SUPT20H: variants seen among roughly 807,000 people sequenced by gnomAD.
The protein encoded by SUPT20H is SPT20 homolog, SAGA complex component.
SUPT20H carries 82 observed loss-of-function variants against 122.8 expected under a neutral mutation model. The observed-to-expected ratio is 0.67, with a 90% CI of 0.56 to 0.80. The LOEUF (loss-of-function observed/expected upper bound fraction) is 0.80. Ranked by LOEUF, SUPT20H falls within the 30% of genes least tolerant of loss-of-function variation. The probability of loss-of-function intolerance (pLI) is 0.00; values close to 1 mark genes in which losing one functional copy is unlikely to be tolerated. For missense variants in SUPT20H, 831 were observed against 921.6 expected, an observed-to-expected ratio of 0.90 and a Z score of 1.27; for synonymous variants, 291 against 313.0, an observed-to-expected ratio of 0.93 and a Z score of 0.74.
intron 21 of SUPT20H, among the ~76,000 whole-genome samples, chr13:37,020,012 T>G (rs766079141): frequency 1.3e-5 from 2 of 152,184 alleles, no homozygotes; most frequent in Non-Finnish European, 2.9e-5. Context: ...AGGGCCATCA[T>G]GTGGGCTTTG....
chr13:37,016,258 C>T (rs1210095320), intron 23 of SUPT20H, among the ~76,000 whole-genome samples: 1 of 151,766 alleles, frequency 6.6e-6, no homozygotes, highest in Non-Finnish European at 1.5e-5. Context: ...AACTCCGTCT[C>T]TACTAAAAAT....
chr13:37,009,664 T>G lies in SUPT20H; in HGVS notation c.*8A>C. On this transcript the variant is annotated 3_prime_UTR_variant, in exon 26 of 26. Coordinates refer to ENST00000350612, the MANE Select transcript of SUPT20H (RefSeq NM_001014286.3). ...TTTTTAAAAAAGGAACAAAAAGTAA[T>G]GCAAGACTCAAAATTTTGGAGTGGT... 6.2e-7 allele frequency: 1 copy of G among 1,613,332 alleles called. No homozygotes were observed. The highest frequency in any genetic ancestry group is 8.5e-7 in the Non-Finnish European group (1 of 1,179,810).
intron 23 of SUPT20H, among the ~76,000 whole-genome samples, chr13:37,015,590 G>A (rs547381499): frequency 6.6e-6 from 1 of 152,166 alleles, no homozygotes; most frequent in South Asian, 2.1e-4. Flanking sequence ...ATGGGAATTA[G>A]GTAAAATGGT....
intron 3 of SUPT20H, among the ~76,000 whole-genome samples, chr13:37,048,165 G>A (rs934486216): frequency 2.6e-5 from 4 of 152,086 alleles, no homozygotes; most frequent in African/African-American, 7.2e-5. Context: ...CAAAATCATA[G>A]TTTCACAACC....
chr13:37,031,288 A>C (rs1422764246), intron 12 of SUPT20H, among the ~76,000 whole-genome samples: 34 of 152,106 alleles, frequency 2.2e-4, no homozygotes, highest in Admixed American at 2.0e-3. Flanking sequence ...TATTTTTCCA[A>C]TTTTAAAATT....
chr13:37,020,012 T>C (rs766079141), intron 21 of SUPT20H, among the ~76,000 whole-genome samples: 18 of 152,184 alleles, frequency 1.2e-4, no homozygotes, highest in Non-Finnish European at 2.2e-4. Flanking sequence ...AGGGCCATCA[T>C]GTGGGCTTTG....
intron 17 of SUPT20H, 198 bp from the exon 18 acceptor site, chr13:37,024,640 C>A: frequency 2.8e-6 from 1 of 357,076 alleles, no homozygotes. Flanking sequence ...ACATGAGATT[C>A]ATGAAATATA....
chr13:37,037,067 T>C (rs1418225638), intron 9 of SUPT20H, among the ~76,000 whole-genome samples: 2 of 151,872 alleles, frequency 1.3e-5, no homozygotes, highest in Non-Finnish European at 2.9e-5. Context: ...CATGGTGGCA[T>C]GCACCTATAG....
intron 9 of SUPT20H, among the ~76,000 whole-genome samples, chr13:37,037,138 A>T (rs1330980155): frequency 6.7e-6 from 1 of 150,138 alleles, no homozygotes; most frequent in Non-Finnish European, 1.5e-5. Flanking sequence ...CAGAGATTGC[A>T]GTGAGCTGAG....
chr13:37,013,543 C>A (rs757364338), intron 23 of SUPT20H: 2 of 151,280 alleles, frequency 1.3e-5, no homozygotes, highest in Admixed American at 6.6e-5. Context: ...AGAAAAAAAA[C>A]ACAGGAGAAA....
At chr13:37,053,953 AG>A (rs1481560536) in intron 1 of SUPT20H, among the ~76,000 whole-genome samples, 2 of 152,262 alleles carry the variant, frequency 1.3e-5, no homozygotes, top group Admixed American at 1.3e-4. Flanking sequence ...CCGATCCCAC[AG>A]AAATACAAAC....
intron 22 of SUPT20H, 126 bp downstream of exon 22, chr13:37,019,216 A>G: frequency 1.6e-6 from 1 of 637,638 alleles, no homozygotes. Flanking sequence ...TAGCAATAAT[A>G]ACCACACCCT....
intron 10 of SUPT20H, among the ~76,000 whole-genome samples, chr13:37,032,701 A>C (rs1392848664): frequency 6.6e-6 from 1 of 152,160 alleles, no homozygotes; most frequent in Non-Finnish European, 1.5e-5. Context: ...CCAGGAGCTC[A>C]AAGAGGTTCT....
chr13:37,050,831 A>C (rs2067525840), intron 2 of SUPT20H, among the ~76,000 whole-genome samples: 1 of 152,192 alleles, frequency 6.6e-6, no homozygotes, highest in African/African-American at 2.4e-5. Context: ...CAAGAGGAGA[A>C]GGAAGACAGA....
chr13:37,017,485 A>C (rs1157008221), intron 22 of SUPT20H, 121 bp from the exon 23 acceptor site: 1 of 1,069,602 alleles, frequency 9.3e-7, no homozygotes, highest in Non-Finnish European at 1.3e-6. Context: ...TATTGAAGAA[A>C]CAGGTAAAGA....
At chr13:37,048,806 G>T (rs41292231) in intron 2 of SUPT20H, among the ~76,000 whole-genome samples, 1,844 of 152,104 alleles carry the variant, frequency 0.012, 19 homozygotes, top group Non-Finnish European at 0.018. Flanking sequence ...AACTAAATAA[G>T]AATGCTTACA....
At position 37,019,334 on chromosome 13, in the gene SUPT20H, A is replaced by C; in HGVS notation, c.1872+8T>G. ...AAAATTTAATCAAAAGCAGTATTTC[A>C]GGTTTACCTGGAGTAGATTTAAGGG... On this transcript the variant is annotated splice_region_variant and intron_variant, in intron 22 of 25. Coordinates refer to ENST00000350612, the MANE Select transcript of SUPT20H (RefSeq NM_001014286.3). 2 of 1,587,328 alleles carry C rather than the reference A, an allele frequency of 1.3e-6. No homozygotes were observed. The highest frequency in any genetic ancestry group is 1.7e-6 in the Non-Finnish European group (2 of 1,170,222).
intron 23 of SUPT20H, among the ~76,000 whole-genome samples, chr13:37,015,007 A>G (rs181063427): frequency 2.2e-4 from 34 of 152,288 alleles, no homozygotes; most frequent in Middle Eastern, 6.8e-3. Flanking sequence ...GCAAGTCAAC[A>G]GTAGGAAGAG....
At chr13:37,023,835 C>T in intron 19 of SUPT20H, 200 bp downstream of exon 19, 1 of 464,628 alleles carries the variant, frequency 2.2e-6, no homozygotes, top group Non-Finnish European at 3.7e-6. Context: ...TACACAGATA[C>T]AGAAAAACAA....
Sources: allele counts gnomAD v4.1 joint callset (sites outside exome capture counted in the v4.1 genomes callset), GRCh38; gene constraint gnomAD v4.1.1; transcripts MANE v1.5; gene names NCBI Gene and HGNC (gene_info 2026-07-23, HGNC 2026-07-21).